The following CEP112 variants were observed in gnomAD, a reference collection of about 807,000 sequenced individuals.
CEP112 encodes the protein centrosomal protein 112, also known as centrosomal protein of 112 kDa.
Under a neutral mutation model 153.0 loss-of-function variants are expected in CEP112, and 127 were observed. The observed-to-expected ratio is 0.83, with a 90% CI of 0.72 to 0.96. The LOEUF is 0.96. Among genes scored for constraint, CEP112 ranks in the 40% least tolerant of loss-of-function variants. The pLI is 0.00. For synonymous variants in CEP112, 358 were observed against 374.4 expected (o/e 0.96, Z 0.51); for missense variants, 1,089 against 1,101.2 (o/e 0.99, Z 0.16).
chr17:66,183,874 C>T (rs1302517322), intron 1 of CEP112, among the ~76,000 whole-genome samples: 3 of 152,010 alleles, frequency 2.0e-5, no homozygotes, highest in Admixed American at 2.0e-4. Flanking sequence ...ACAACTCTTA[C>T]AAGAAAGCAT....
intron 17 of CEP112, among the ~76,000 whole-genome samples, chr17:65,993,943 T>C (rs1026611421): frequency 6.6e-6 from 1 of 151,656 alleles, no homozygotes; most frequent in African/African-American, 2.4e-5. Flanking sequence ...TTGGTATGTA[T>C]GTTATACTTC....
intron 4 of CEP112, among the ~76,000 whole-genome samples, chr17:66,144,084 A>G (rs1215743349): frequency 6.6e-6 from 1 of 152,220 alleles, no homozygotes. Flanking sequence ...CCACACCTGT[A>G]CCTGATTTTT....
Position 65,689,196 on chromosome 17 carries a change from T to C in CEP112, c.2630A>G (p.Asn877Ser), listed in dbSNP as rs780676410. The part of the protein sequence containing the change: ...AIKVLQDELE[N>S]RSNQVRCAEK... ...TGCACATCGCACCTGATTAGAACGG[T>C]TTTCTAATTCATCTTGTAAAACCTG... The change falls in exon 24 of 27, where the codon AAC becomes AGC. Residue 877 changes from asparagine to serine, a missense_variant. Asn to Ser is a conservative substitution (Grantham distance 46). Transcript: ENST00000535342. 3.7e-6 allele frequency: 6 copies of C among 1,612,348 alleles called. No individual in the cohort carries two copies. Among genetic ancestry groups the C allele is most frequent in the East Asian group, 2.2e-5 (1 of 44,872 alleles).
At chr17:65,742,002 TAA>T (rs1228009202) in intron 23 of CEP112, among the ~76,000 whole-genome samples, 2 of 141,534 alleles carry the variant, frequency 1.4e-5, no homozygotes, top group African/African-American at 2.6e-5. Context: ...AAAATGTCAT[TAA>T]AAAAAAAAAA....
At chr17:65,646,995 A>C (rs375595839) in intron 24 of CEP112, among the ~76,000 whole-genome samples, 44 of 152,314 alleles carry the variant, frequency 2.9e-4, no homozygotes, top group African/African-American at 9.9e-4. Context: ...AACTGAAGAA[A>C]ACCTACACAA....
chr17:65,646,151 G>GT (rs1340888042), intron 24 of CEP112, among the ~76,000 whole-genome samples: 1 of 152,162 alleles, frequency 6.6e-6, no homozygotes, highest in Non-Finnish European at 1.5e-5. Flanking sequence ...AGAAGATTGG[G>GT]TGTGACTAAG....
intron 17 of CEP112, among the ~76,000 whole-genome samples, chr17:66,005,434 G>A (rs906616088): frequency 6.6e-6 from 1 of 152,078 alleles, no homozygotes; most frequent in Non-Finnish European, 1.5e-5. Context: ...TTAAGAGGGA[G>A]AGAGCATCTG....
At chr17:65,693,622 T>C (rs1304471864) in intron 23 of CEP112, among the ~76,000 whole-genome samples, 2 of 151,936 alleles carry the variant, frequency 1.3e-5, no homozygotes, top group Non-Finnish European at 2.9e-5. Flanking sequence ...GACCAGAAAA[T>C]AGTGAATTCT....
chr17:65,965,796 G>A (rs1202292725), intron 17 of CEP112, among the ~76,000 whole-genome samples: 2 of 152,080 alleles, frequency 1.3e-5, no homozygotes, highest in Non-Finnish European at 2.9e-5. Context: ...GGGATTACAG[G>A]CATAAGCCGC....
chr17:65,947,238 C>T (rs2061678258), intron 18 of CEP112, among the ~76,000 whole-genome samples: 1 of 132,676 alleles, frequency 7.5e-6, no homozygotes, highest in African/African-American at 2.6e-5. Flanking sequence ...ACTAGTTACA[C>T]CTTCTATTAT....
At chr17:66,188,275 CCACACACACAAACACACACA>C (rs1478221863) in intron 1 of CEP112, among the ~76,000 whole-genome samples, 4 of 120,662 alleles carry the variant, frequency 3.3e-5, no homozygotes, top group African/African-American at 9.7e-5. Context: ...GTCTCTCACA[CCACACACACAAACACACACA>C]CACACACACA....
intron 11 of CEP112, among the ~76,000 whole-genome samples, chr17:66,059,419 C>T (rs985577136): frequency 6.6e-6 from 1 of 151,948 alleles, no homozygotes; most frequent in African/African-American, 2.4e-5. Context: ...GGTCTAATAC[C>T]CAGAATCTAT....
chr17:66,053,693 G>A (rs546790730), intron 12 of CEP112, 43 bp downstream of exon 12: 1 of 1,577,314 alleles, frequency 6.3e-7, no homozygotes, highest in South Asian at 1.2e-5. Flanking sequence ...TGGAAATTGA[G>A]AAGACAGGTT....
intron 1 of CEP112, among the ~76,000 whole-genome samples, chr17:66,186,017 T>G (rs1305790011): frequency 2.0e-5 from 3 of 151,482 alleles, no homozygotes; most frequent in Admixed American, 1.3e-4. Flanking sequence ...TCTCATAATC[T>G]CTCTCATTCT....
At chr17:66,016,499 G>A (rs1443279) in intron 16 of CEP112, among the ~76,000 whole-genome samples, 140,888 of 152,100 alleles carry the variant, frequency 0.93, 65,484 homozygotes, top group East Asian at 0.97. Context: ...GAGGAGGCAC[G>A]TTTCTCCTCA....
chr17:66,131,722 G>C (rs1025646336), intron 5 of CEP112, among the ~76,000 whole-genome samples: 2 of 151,920 alleles, frequency 1.3e-5, no homozygotes, highest in Non-Finnish European at 2.9e-5. Flanking sequence ...ACTCCAGCCT[G>C]GGCGACAGAG....
intron 20 of CEP112, among the ~76,000 whole-genome samples, chr17:65,867,138 G>A (rs2058514362): frequency 6.6e-6 from 1 of 152,176 alleles, no homozygotes; most frequent in African/African-American, 2.4e-5. Context: ...ACATTCCCCT[G>A]TGTCAGCCAT....
At chr17:65,811,147 T>C (rs1385546119) in intron 21 of CEP112, among the ~76,000 whole-genome samples, 2 of 152,184 alleles carry the variant, frequency 1.3e-5, no homozygotes, top group African/African-American at 4.8e-5. Flanking sequence ...TCTTGAACCA[T>C]GGTCAAGTGT....
intron 24 of CEP112, among the ~76,000 whole-genome samples, chr17:65,664,841 A>G (rs2046610028): frequency 6.6e-6 from 1 of 152,170 alleles, no homozygotes; most frequent in South Asian, 2.1e-4. Flanking sequence ...GGGTGGCTTA[A>G]ACAACAAACA....
Sources: gnomAD v4.1 joint callset for allele counts (sites outside exome capture counted in the v4.1 genomes callset) on GRCh38, gnomAD v4.1.1 for gene constraint, MANE v1.5 for transcripts, NCBI Gene and HGNC (gene_info 2026-07-23, HGNC 2026-07-21) for gene names.